Variants in IMMP2L observed in about 807,000 individuals in gnomAD.
The protein encoded by IMMP2L is mitochondrial inner membrane protease subunit 2.
IMMP2L carries 18 observed loss-of-function variants against 19.3 expected under a neutral mutation model. The ratio of observed to expected loss-of-function variants is 0.93; its 90% confidence interval spans 0.64 to 1.38. The LOEUF is 1.38. Ranked by LOEUF, IMMP2L falls within the 40% of genes most tolerant of loss-of-function variation. IMMP2L has a pLI of 0.00. For missense variants in IMMP2L, 233 were observed against 218.2 expected (o/e 1.07, Z -0.43); for synonymous variants, 76 against 73.0 (o/e 1.04, Z -0.21).
intron 5 of IMMP2L, chr7:110,664,974 G>C (rs1164294152): frequency 6.6e-6 from 1 of 152,084 alleles, no homozygotes; most frequent in African/African-American, 2.4e-5. Flanking sequence ...AAATCACATT[G>C]TCTAGGGACT....
chr7:110,668,431 G>A (rs529597653), intron 5 of IMMP2L, among the ~76,000 whole-genome samples: 2 of 152,250 alleles, frequency 1.3e-5, no homozygotes, highest in South Asian at 4.1e-4. Flanking sequence ...TTTGATAGCT[G>A]CTACTCAGAT....
intron 3 of IMMP2L, among the ~76,000 whole-genome samples, chr7:111,422,425 A>G (rs1290153289): frequency 6.7e-6 from 1 of 150,220 alleles, no homozygotes; most frequent in East Asian, 1.9e-4. Context: ...TTCTCCTTGA[A>G]GAGGTCACCA....
chr7:111,177,520 T>A (rs1020847030), intron 3 of IMMP2L, among the ~76,000 whole-genome samples: 3 of 152,124 alleles, frequency 2.0e-5, no homozygotes. Flanking sequence ...TCCTTTGACC[T>A]TCTCTCTTAT....
chr7:111,406,150 G>T (rs370814867), intron 3 of IMMP2L, among the ~76,000 whole-genome samples: 11 of 152,136 alleles, frequency 7.2e-5, no homozygotes, highest in African/African-American at 2.6e-4. Context: ...GGTAAAATTT[G>T]CTTTCTACCA....
chr7:110,930,523 T>A (rs80139693), intron 4 of IMMP2L, among the ~76,000 whole-genome samples: 1,889 of 152,260 alleles, frequency 0.012, 34 homozygotes, highest in African/African-American at 0.042. Flanking sequence ...GTAGGTTATA[T>A]TATTTCTACT....
rs570448042 is a variant in IMMP2L at position 111,446,213 on chromosome 7, A to G, written c.239+41025T>C. ...ACTGGGTGGAGCCCGCCACAGCTCA[A>G]GGAGGCCTGCCTGCCTCTGTAGGCT... On this transcript the variant is annotated intron_variant, in intron 3 of 5. Transcript: ENST00000405709. Among the ~76,000 whole-genome samples, 5 of 152,304 alleles carry G rather than the reference A, an allele frequency of 3.3e-5. No individual in the cohort carries two copies. The East Asian group carries it at 9.6e-4, about 29-fold the overall frequency.
intron 5 of IMMP2L, among the ~76,000 whole-genome samples, chr7:110,812,699 A>C (rs1057125884): frequency 2.0e-5 from 3 of 152,012 alleles, no homozygotes; most frequent in African/African-American, 7.2e-5. Flanking sequence ...ATGAAGACAG[A>C]GAAGAAGGGA....
At chr7:110,875,283 T>C (rs946948584) in intron 5 of IMMP2L, among the ~76,000 whole-genome samples, 1 of 152,168 alleles carries the variant, frequency 6.6e-6, no homozygotes, top group Non-Finnish European at 1.5e-5. Flanking sequence ...AATGGCCCAG[T>C]GAAACCAAGC....
chr7:111,536,926 T>C (rs529924669), intron 1 of IMMP2L, among the ~76,000 whole-genome samples: 6 of 152,246 alleles, frequency 3.9e-5, no homozygotes, highest in Non-Finnish European at 7.4e-5. Flanking sequence ...CCTTGTAAGT[T>C]TGTTAAGAAA....
intron 3 of IMMP2L, among the ~76,000 whole-genome samples, chr7:111,012,218 G>A (rs1439051159): frequency 6.6e-6 from 1 of 152,062 alleles, no homozygotes. Context: ...CACCATTTCT[G>A]ATGAGATGTC....
At chr7:110,810,246 T>G (rs1439299259) in intron 5 of IMMP2L, among the ~76,000 whole-genome samples, 1 of 152,106 alleles carries the variant, frequency 6.6e-6, no homozygotes, top group African/African-American at 2.4e-5. Flanking sequence ...TAAAAAGGAC[T>G]ATAAGAGAAT....
intron 3 of IMMP2L, among the ~76,000 whole-genome samples, chr7:111,158,561 G>A (rs928927810): frequency 6.6e-6 from 1 of 152,092 alleles, no homozygotes; most frequent in Non-Finnish European, 1.5e-5. Flanking sequence ...CAAAACTCTA[G>A]TTTTTCGAAT....
chr7:111,276,049 T>C (rs1819007523), intron 3 of IMMP2L, among the ~76,000 whole-genome samples: 1 of 152,138 alleles, frequency 6.6e-6, no homozygotes, highest in Admixed American at 6.6e-5. Flanking sequence ...TACTTTCAAC[T>C]TTTCCCCATT....
At chr7:111,004,843 T>A (rs902456707) in intron 3 of IMMP2L, among the ~76,000 whole-genome samples, 6 of 152,128 alleles carry the variant, frequency 3.9e-5, no homozygotes, top group Non-Finnish European at 5.9e-5. Flanking sequence ...ACTAATAAAA[T>A]AACAGCATTT....
intron 3 of IMMP2L, among the ~76,000 whole-genome samples, chr7:111,290,499 CT>C (rs201049114): frequency 1.4e-5 from 2 of 148,004 alleles, no homozygotes; most frequent in African/African-American, 2.5e-5. Flanking sequence ...TGATTGACTT[CT>C]TTTTAAAAAA....
At chr7:111,448,096 C>A (rs1352115367) in intron 3 of IMMP2L, among the ~76,000 whole-genome samples, 1 of 142,610 alleles carries the variant, frequency 7.0e-6, no homozygotes, top group East Asian at 2.0e-4. Flanking sequence ...TAGACTCCCA[C>A]ACATTAATAA....
At chr7:111,508,077 A>T (rs1026812662) in intron 2 of IMMP2L, among the ~76,000 whole-genome samples, 1 of 152,164 alleles carries the variant, frequency 6.6e-6, no homozygotes, top group African/African-American at 2.4e-5. Context: ...CACATATCTC[A>T]TACTAAATGA....
chr7:111,561,113 AG>A (rs1255250881), intron 1 of IMMP2L, among the ~76,000 whole-genome samples: 7 of 152,164 alleles, frequency 4.6e-5, no homozygotes, highest in African/African-American at 1.7e-4. Flanking sequence ...TACAGGGGAG[AG>A]GGAAGCAGTG....
At chr7:110,782,162 C>A (rs1799787281) in intron 5 of IMMP2L, among the ~76,000 whole-genome samples, 1 of 151,826 alleles carries the variant, frequency 6.6e-6, no homozygotes, top group South Asian at 2.1e-4. Context: ...GCATTTAAAT[C>A]CAGATGTACA....
Sources: allele counts gnomAD v4.1 joint callset (sites outside exome capture counted in the v4.1 genomes callset), GRCh38; gene constraint gnomAD v4.1.1; transcripts MANE v1.5; gene names NCBI Gene and HGNC (gene_info 2026-07-23, HGNC 2026-07-21).